The following CTNNAL1 variants were observed in gnomAD, a reference collection of about 807,000 sequenced individuals.
CTNNAL1 encodes alpha-catulin.
Under a neutral mutation model 93.6 loss-of-function variants are expected in CTNNAL1, and 69 were observed. The ratio of observed to expected loss-of-function variants is 0.74; its 90% confidence interval spans 0.61 to 0.90. The LOEUF is 0.90. CTNNAL1 is among the 40% of genes least tolerant of loss of function. The pLI, the probability that CTNNAL1 is intolerant of heterozygous loss-of-function variation, is 0.00. For missense variants in CTNNAL1, 836 were observed against 862.0 expected (o/e 0.97, Z 0.38); for synonymous variants, 286 against 305.4 (o/e 0.94, Z 0.66).
intron 6 of CTNNAL1, among the ~76,000 whole-genome samples, chr9:108,981,878 T>C (rs1377225967): frequency 6.6e-6 from 1 of 152,144 alleles, no homozygotes; most frequent in Non-Finnish European, 1.5e-5. Flanking sequence ...TGAGCCAAGA[T>C]CGTGCCACCA....
At position 108,953,409 on chromosome 9, in the gene CTNNAL1, G is replaced by C. The variant is rs1318062866; in HGVS notation, c.1630-915C>G. 2.0e-5 allele frequency among the ~76,000 whole-genome samples: 3 copies of C among 152,174 alleles called. No homozygotes were observed. In the East Asian group the frequency reaches 5.8e-4, roughly 29 times the overall value. ...AGTCCCAGAACAGCTAGGGTTTGTA[G>C]AGAAAAGGGGGCCAACTTTTTACAA... On this transcript the variant is annotated intron_variant, in intron 12 of 18. Transcript: ENST00000325551.
chr9:109,000,832 G>A (rs1438665724), intron 1 of CTNNAL1, among the ~76,000 whole-genome samples: 1 of 152,010 alleles, frequency 6.6e-6, no homozygotes, highest in Non-Finnish European at 1.5e-5. Context: ...GATGGGCAGG[G>A]ACCAGCGTGG....
At chr9:108,987,918 G>A (rs977771142) in intron 4 of CTNNAL1, among the ~76,000 whole-genome samples, 5 of 152,174 alleles carry the variant, frequency 3.3e-5, no homozygotes, top group African/African-American at 1.2e-4. Context: ...TCAGCTTAAG[G>A]AGATTTTGGG....
chr9:108,979,526 C>T (rs776701819), intron 6 of CTNNAL1, 45 bp from the exon 7 acceptor site: 11 of 1,574,442 alleles, frequency 7.0e-6, no homozygotes, highest in Non-Finnish European at 9.6e-6. Flanking sequence ...AGTCAATATT[C>T]CCACCTGACC....
chr9:108,997,823 G>T (rs1832079013), intron 2 of CTNNAL1, among the ~76,000 whole-genome samples: 1 of 152,126 alleles, frequency 6.6e-6, no homozygotes, highest in East Asian at 1.9e-4. Flanking sequence ...AAATGCTATG[G>T]TCTAGTCTAA....
At chr9:108,951,131 C>T (rs1221483465) in intron 14 of CTNNAL1, among the ~76,000 whole-genome samples, 2 of 151,972 alleles carry the variant, frequency 1.3e-5, no homozygotes, top group Non-Finnish European at 2.9e-5. Context: ...CTGCCTCAGC[C>T]TCCCGAGTAG....
chr9:108,960,601 G>A (rs1830798601), intron 11 of CTNNAL1, among the ~76,000 whole-genome samples: 1 of 152,150 alleles, frequency 6.6e-6, no homozygotes, highest in Non-Finnish European at 1.5e-5. Flanking sequence ...ACATAGTTTA[G>A]TTAGAGCTGC....
chr9:108,985,239 C>T lies in CTNNAL1; in HGVS notation c.640-803G>A, dbSNP rs576308949. On this transcript the variant is annotated intron_variant, in intron 4 of 18. Transcript: ENST00000325551. ...TGAGGCCTTCTGAGCTATATGGTCT[C>T]CATCACAGCTACTCAATTCTGTCAT... Among the ~76,000 whole-genome samples, 5 of 152,294 alleles carry T rather than the reference C, an allele frequency of 3.3e-5. No individual in the cohort carries two copies. In the South Asian group the frequency reaches 1.0e-3, roughly 32 times the overall value.
intron 5 of CTNNAL1, among the ~76,000 whole-genome samples, chr9:108,983,811 A>C (rs1439259169): frequency 6.6e-6 from 1 of 152,220 alleles, no homozygotes; most frequent in Non-Finnish European, 1.5e-5. Context: ...TCTCAGAAGA[A>C]AAGGTTATTC....
chr9:108,977,893 T>C (rs772521259), intron 7 of CTNNAL1, among the ~76,000 whole-genome samples: 3 of 152,238 alleles, frequency 2.0e-5, no homozygotes, highest in Non-Finnish European at 4.4e-5. Flanking sequence ...AATTTCTATA[T>C]TGTAAAATTC....
chr9:108,982,514 CAA>C (rs946740114), intron 6 of CTNNAL1, among the ~76,000 whole-genome samples: 1 of 152,106 alleles, frequency 6.6e-6, no homozygotes, highest in Non-Finnish European at 1.5e-5. Context: ...TGGTACTGCT[CAA>C]AAAGATATGG....
intron 1 of CTNNAL1, among the ~76,000 whole-genome samples, chr9:109,008,189 C>CACTCTGTT (rs1336907231): frequency 1.2e-4 from 15 of 125,630 alleles, no homozygotes; most frequent in African/African-American, 4.0e-4. Flanking sequence ...GACAGAGTCT[C>CACTCTGTT]ACTCTGTTAC....
chr9:108,979,592 C>T (rs969142588), intron 6 of CTNNAL1, 111 bp from the exon 7 acceptor site: 1 of 987,032 alleles, frequency 1.0e-6, no homozygotes, highest in African/African-American at 1.6e-5. Flanking sequence ...TTCCTTTTCC[C>T]AAGCTGAGGG....
intron 6 of CTNNAL1, among the ~76,000 whole-genome samples, chr9:108,981,175 G>A (rs926447182): frequency 1.3e-5 from 2 of 152,236 alleles, no homozygotes; most frequent in African/African-American, 4.8e-5. Context: ...GGTGAAAGAT[G>A]TCTCTCACTT....
chr9:109,003,104 G>C (rs1221500757), intron 1 of CTNNAL1, among the ~76,000 whole-genome samples: 2 of 152,186 alleles, frequency 1.3e-5, no homozygotes, highest in African/African-American at 2.4e-5. Context: ...TGAAGCTAAG[G>C]GTACGACTAT....
At chr9:108,972,864 G>GGGGGGGGGGGGGGGGGGCCCCCCCCCC in intron 8 of CTNNAL1, 31 bp from the exon 9 acceptor site, 3 of 142,564 alleles carry the variant, frequency 2.1e-5, no homozygotes, top group East Asian at 4.4e-4. Context: ...GGGGGGGTGG[G>GGGGGGGGGGGGGGGGGGCCCCCCCCCC]AGGGTGGAGA....
At position 108,955,789 on chromosome 9, in the gene CTNNAL1, C is replaced by A; in HGVS notation, c.1629+1G>T. 1 of 1,601,756 alleles carries A rather than the reference C, an allele frequency of 6.2e-7. No homozygotes were observed. Among genetic ancestry groups the A allele is most frequent in the Non-Finnish European group, 8.5e-7 (1 of 1,174,028 alleles). On this transcript the variant is annotated splice_donor_variant, in intron 12 of 18. Transcript: ENST00000325551. LOFTEE classifies it high-confidence loss of function. ...GCAATGTACATAATTCTTCTACTTA[C>A]CATTGGCTTTGGAAGTGAAAGGTAG...
intron 1 of CTNNAL1, among the ~76,000 whole-genome samples, chr9:109,000,548 T>C (rs982495754): frequency 1.2e-4 from 19 of 152,174 alleles, no homozygotes; most frequent in African/African-American, 4.1e-4. Flanking sequence ...AATGTTAGGA[T>C]AGTGTGATAT....
intron 5 of CTNNAL1, among the ~76,000 whole-genome samples, chr9:108,984,013 C>T (rs1399468509): frequency 6.6e-6 from 1 of 152,206 alleles, no homozygotes; most frequent in Non-Finnish European, 1.5e-5. Flanking sequence ...CTTAACTTGT[C>T]TAGCTTTTTC....
Sources: allele counts gnomAD v4.1 joint callset (sites outside exome capture counted in the v4.1 genomes callset), GRCh38; gene constraint gnomAD v4.1.1; transcripts MANE v1.5; gene names NCBI Gene and HGNC (gene_info 2026-07-23, HGNC 2026-07-21).